ABI3BP: variants seen among roughly 807,000 people sequenced by gnomAD.
ABI3BP encodes target of Nesh-SH3.
ABI3BP carries 216 observed loss-of-function variants against 268.6 expected under a neutral mutation model. That is an observed-to-expected ratio of 0.80 (90% confidence interval 0.72 to 0.90). ABI3BP has a LOEUF of 0.90. ABI3BP is among the 40% of genes least tolerant of loss of function. The pLI, the probability that ABI3BP is intolerant of heterozygous loss-of-function variation, is 0.00. For missense variants in ABI3BP, 2,090 were observed against 2,182.4 expected (o/e 0.96, Z 0.84); for synonymous variants, 730 against 730.0 (o/e 1.00, Z 0.00).
chr3:100,906,557 T>C (rs1267668256), intron 2 of ABI3BP, among the ~76,000 whole-genome samples: 1 of 152,224 alleles, frequency 6.6e-6, no homozygotes, highest in African/African-American at 2.4e-5. Context: ...TGCCAATATA[T>C]GTTACTTCAT....
intron 14 of ABI3BP, among the ~76,000 whole-genome samples, chr3:100,855,519 G>A (rs1194878860): frequency 6.6e-6 from 1 of 152,182 alleles, no homozygotes; most frequent in Non-Finnish European, 1.5e-5. Flanking sequence ...ACTGGTACAT[G>A]GTGGATACTC....
intron 1 of ABI3BP, among the ~76,000 whole-genome samples, chr3:100,970,845 A>T (rs1313899664): frequency 6.6e-6 from 1 of 152,164 alleles, no homozygotes; most frequent in African/African-American, 2.4e-5. Context: ...ATGAACTGCC[A>T]CCTGTTAGTA....
At chr3:100,935,812 T>G (rs1442649264) in intron 1 of ABI3BP, among the ~76,000 whole-genome samples, 1 of 152,156 alleles carries the variant, frequency 6.6e-6, no homozygotes, top group Non-Finnish European at 1.5e-5. Context: ...GGTTGTGATT[T>G]TTGCACATTG....
chr3:100,749,440 A>C lies in ABI3BP; in HGVS notation c.*1055T>G. On this transcript the variant is annotated 3_prime_UTR_variant, in exon 68 of 68. Transcript: ENST00000471714. The stretch of plus-strand genomic sequence containing the variant: ...CATGTTGAAAGGTAAGTACAGGGAA[A>C]GGTCCTTTCAGAATGACTGCAACAG... 2.6e-6 allele frequency: 1 copy of C among 390,914 alleles called. No individual in the cohort carries two copies. The highest frequency in any genetic ancestry group is 3.6e-5 in the East Asian group (1 of 27,612). The allele number at this position is 390,914 out of a possible 1,614,324, so 24.2% of individuals were successfully genotyped here. A position where few individuals can be genotyped will look rare whatever the true frequency, so the allele number is the denominator to read the frequency against.
chr3:100,828,642 T>C (rs551222291), intron 33 of ABI3BP, among the ~76,000 whole-genome samples, 190 bp from the exon 34 acceptor site: 1 of 152,268 alleles, frequency 6.6e-6, no homozygotes, highest in South Asian at 2.1e-4. Context: ...TTAGGAAGAA[T>C]GGCCATTTAC....
At chr3:100,805,791 A>C (rs2097688995) in intron 50 of ABI3BP, among the ~76,000 whole-genome samples, 1 of 152,102 alleles carries the variant, frequency 6.6e-6, no homozygotes, top group Non-Finnish European at 1.5e-5. Flanking sequence ...AGGTGAAACA[A>C]TAAACCTGCC....
rs189057094 is a variant in ABI3BP, at chr3:100,761,246, G to A, written c.4850+4595C>T. 2.4e-3 allele frequency among the ~76,000 whole-genome samples: 369 copies of A among 152,228 alleles called. 3 individuals carry two copies. The highest frequency in any genetic ancestry group is 8.5e-3 in the African/African-American group (352 of 41,522). On this transcript the variant is annotated intron_variant, in intron 63 of 67. Coordinates refer to ENST00000471714, the MANE Select transcript of ABI3BP (RefSeq NM_001375547.2). ...ATATCTACAATTTCTTTTTATTTTA[G>A]GAGTAAGGGGTGAGAGAGGGATCCC...
intron 1 of ABI3BP, chr3:100,930,806 A>T (rs1432410230): frequency 6.6e-6 from 1 of 152,056 alleles, no homozygotes; most frequent in African/African-American, 2.4e-5. Context: ...TTCCCCAAAA[A>T]ATTGAGGAGG....
Position 100,823,440 on chromosome 3 carries a change from A to G in ABI3BP, c.2803+18T>C. On this transcript the variant is annotated intron_variant, in intron 37 of 67. Coordinates refer to ENST00000471714, the MANE Select transcript of ABI3BP (RefSeq NM_001375547.2). ...AATAAGCAAAAGAAGCTTGTCGAAA[A>G]CACTGTATCAACGTTACCTAATGTT... 6.6e-7 allele frequency: 1 copy of G among 1,524,924 alleles called. No individual in the cohort carries two copies. The highest frequency in any genetic ancestry group is 1.2e-5 in the South Asian group (1 of 81,770). 94.5% of individuals were successfully genotyped at this position (1,524,924 alleles called of 1,614,324 possible). A position where few individuals can be genotyped will look rare whatever the true frequency, so the allele number is the denominator to read the frequency against.
chr3:100,793,053 A>G (rs930170368), intron 54 of ABI3BP, among the ~76,000 whole-genome samples: 1 of 151,840 alleles, frequency 6.6e-6, no homozygotes, highest in South Asian at 2.1e-4. Context: ...ATTCTTGGAT[A>G]TGGCTCATGT....
chr3:100,911,872 C>A (rs1200589276), intron 2 of ABI3BP: 118 of 1,597,224 alleles, frequency 7.4e-5, no homozygotes, highest in Non-Finnish European at 9.9e-5. Flanking sequence ...ATGATCTGAT[C>A]TGAATGACGA....
intron 20 of ABI3BP, 72 bp from the exon 21 acceptor site, chr3:100,842,111 G>T: frequency 7.8e-6 from 10 of 1,285,150 alleles, no homozygotes; most frequent in Non-Finnish European, 1.1e-5. Context: ...ACATGTTCTT[G>T]ACTATAAACG....
intron 33 of ABI3BP, 29 bp from the exon 34 acceptor site, chr3:100,828,481 CAACAA>C (rs1238749033): frequency 2.0e-5 from 30 of 1,498,458 alleles, no homozygotes; most frequent in Non-Finnish European, 2.6e-5. Context: ...AATAAAACAC[CAACAA>C]AACATTAAAA....
intron 5 of ABI3BP, 66 bp downstream of exon 5, chr3:100,886,076 T>A: frequency 7.9e-7 from 1 of 1,271,380 alleles, no homozygotes; most frequent in Non-Finnish European, 1.1e-6. Context: ...ATAACATAAT[T>A]AAAAATTAGG....
chr3:100,828,038 C>G (rs762881234), intron 34 of ABI3BP, among the ~76,000 whole-genome samples: 1 of 151,426 alleles, frequency 6.6e-6, no homozygotes, highest in Non-Finnish European at 1.5e-5. Context: ...TATAAACCCC[C>G]AAAAAAGGAA....
intron 1 of ABI3BP, among the ~76,000 whole-genome samples, chr3:100,931,650 G>A (rs2063685694): frequency 1.3e-5 from 2 of 151,918 alleles, no homozygotes; most frequent in Admixed American, 1.3e-4. Flanking sequence ...AGCTAACCAT[G>A]GAGGTAAAAG....
intron 63 of ABI3BP, among the ~76,000 whole-genome samples, chr3:100,765,446 G>T (rs904734640): frequency 6.6e-6 from 1 of 152,154 alleles, no homozygotes; most frequent in Non-Finnish European, 1.5e-5. Context: ...CCTACATTTT[G>T]TCACAAGACT....
chr3:100,905,249 C>T (rs953217206), intron 2 of ABI3BP, among the ~76,000 whole-genome samples: 16 of 151,944 alleles, frequency 1.1e-4, no homozygotes, highest in African/African-American at 1.9e-4. Context: ...CATCACACAC[C>T]GGGGCCTGTT....
At chr3:100,971,543 C>G (rs1302779166) in intron 1 of ABI3BP, among the ~76,000 whole-genome samples, 1 of 152,126 alleles carries the variant, frequency 6.6e-6, no homozygotes, top group Non-Finnish European at 1.5e-5. Context: ...CAAGATGAAT[C>G]TTTAGATATT....
Sources: allele counts gnomAD v4.1 joint callset (sites outside exome capture counted in the v4.1 genomes callset), GRCh38; gene constraint gnomAD v4.1.1; transcripts MANE v1.5; gene names NCBI Gene and HGNC (gene_info 2026-07-23, HGNC 2026-07-21).